The following CCSER1 variants were observed in gnomAD, a reference collection of about 807,000 sequenced individuals.
CCSER1 encodes the protein coiled-coil serine rich protein 1, also known as serine-rich coiled-coil domain-containing protein 1.
Under a neutral mutation model 82.0 loss-of-function variants are expected in CCSER1, and 41 were observed. The ratio of observed to expected loss-of-function variants is 0.50; its 90% CI spans 0.39 to 0.65. The LOEUF is 0.65. Among genes scored for constraint, CCSER1 ranks in the 30% least tolerant of loss-of-function variants. The pLI is 0.00. For synonymous variants in CCSER1, 414 were observed against 383.9 expected (o/e 1.08, Z -0.92); for missense variants, 1,119 against 1,064.2 (o/e 1.05, Z -0.72).
intron 4 of CCSER1, among the ~76,000 whole-genome samples, chr4:90,416,511 T>C (rs1244634780): frequency 1.3e-5 from 2 of 152,186 alleles, no homozygotes; most frequent in Non-Finnish European, 2.9e-5. Context: ...ATTATGTCTG[T>C]CTCAAAATAT....
intron 1 of CCSER1, among the ~76,000 whole-genome samples, chr4:90,293,209 A>C (rs1731249082): frequency 6.6e-6 from 1 of 151,552 alleles, no homozygotes; most frequent in African/African-American, 2.4e-5. Context: ...AACAACAAGA[A>C]ACTATCAGAA....
At chr4:91,032,597 G>A (rs1741082134) in intron 9 of CCSER1, among the ~76,000 whole-genome samples, 1 of 152,186 alleles carries the variant, frequency 6.6e-6, no homozygotes, top group Admixed American at 6.6e-5. Context: ...CACTGACCAA[G>A]AAGTTAAGTA....
At chr4:90,760,084 AAC>A (rs1323610906) in intron 7 of CCSER1, among the ~76,000 whole-genome samples, 1 of 152,018 alleles carries the variant, frequency 6.6e-6, no homozygotes, top group Non-Finnish European at 1.5e-5. Context: ...ACCAAGTTAA[AAC>A]AGTCTTGTAA....
At chr4:90,350,681 T>C (rs1222586725) in intron 3 of CCSER1, among the ~76,000 whole-genome samples, 1 of 152,112 alleles carries the variant, frequency 6.6e-6, no homozygotes, top group African/African-American at 2.4e-5. Flanking sequence ...CTACCATTTA[T>C]AATGGCACCA....
chr4:90,759,392 TAA>T (rs921908449), intron 7 of CCSER1, among the ~76,000 whole-genome samples: 3 of 152,154 alleles, frequency 2.0e-5, no homozygotes, highest in African/African-American at 7.2e-5. Flanking sequence ...GCTACCTCAG[TAA>T]AAGTGACTTA....
chr4:90,630,309 T>C (rs1445056062), intron 6 of CCSER1, among the ~76,000 whole-genome samples: 1 of 152,212 alleles, frequency 6.6e-6, no homozygotes, highest in Non-Finnish European at 1.5e-5. Flanking sequence ...CTCTGTTTGG[T>C]CTGAATTTTA....
At position 90,481,703 on chromosome 4, in the gene CCSER1, C is replaced by T. The variant is rs988484158; in HGVS notation, c.1724+13349C>T. Among the ~76,000 whole-genome samples, 6 of 152,316 alleles carry T rather than the reference C, an allele frequency of 3.9e-5. No individual in the cohort carries two copies. In the South Asian group the frequency reaches 1.2e-3, roughly 32 times the overall value. ...ATTTTCGTATGTTGAAGCAGCCTTGCATCCCAGGGATGAAGCCCACTTGAT... is the reference window on the plus strand; with the variant it reads ...ATTTTCGTATGTTGAAGCAGCCTTGTATCCCAGGGATGAAGCCCACTTGAT... On this transcript the variant is annotated intron_variant, in intron 5 of 10. Transcript: ENST00000509176.
intron 7 of CCSER1, among the ~76,000 whole-genome samples, chr4:90,790,521 C>T (rs1297405327): frequency 6.8e-6 from 1 of 146,334 alleles, no homozygotes; most frequent in Non-Finnish European, 1.5e-5. Flanking sequence ...TTTACTAATT[C>T]CTTCTGACCA....
At chr4:91,539,461 A>G (rs1723837617) in intron 10 of CCSER1, among the ~76,000 whole-genome samples, 1 of 152,076 alleles carries the variant, frequency 6.6e-6, no homozygotes, top group African/African-American at 2.4e-5. Context: ...TTTTCTGTAG[A>G]AGAGTTTTTA....
chr4:91,497,155 G>C (rs931320403), intron 10 of CCSER1, among the ~76,000 whole-genome samples: 9 of 151,294 alleles, frequency 5.9e-5, no homozygotes, highest in Non-Finnish European at 1.3e-4. Context: ...ATTTGTGCTT[G>C]ATCAAGTTTC....
chr4:90,957,630 C>CTATATAA (rs1053286877), intron 9 of CCSER1, among the ~76,000 whole-genome samples: 5 of 106,158 alleles, frequency 4.7e-5, no homozygotes, highest in Non-Finnish European at 9.4e-5. Flanking sequence ...TGTATATATT[C>CTATATAA]TATATAATAT....
At chr4:90,537,024 T>A (rs1457947642) in intron 5 of CCSER1, among the ~76,000 whole-genome samples, 1 of 152,228 alleles carries the variant, frequency 6.6e-6, no homozygotes. Context: ...TATTTGCCAC[T>A]TTTGCCGGGA....
intron 1 of CCSER1, among the ~76,000 whole-genome samples, chr4:90,280,652 G>GT (rs1728692152): frequency 6.6e-6 from 1 of 151,934 alleles, no homozygotes; most frequent in East Asian, 1.9e-4. Context: ...CAGATCTAAC[G>GT]TAGGTCTTTG....
chr4:91,380,343 G>A (rs1750785324), intron 10 of CCSER1, among the ~76,000 whole-genome samples: 1 of 152,122 alleles, frequency 6.6e-6, no homozygotes, highest in Non-Finnish European at 1.5e-5. Flanking sequence ...TGTTGACAGT[G>A]AGGTGTTAAA....
At chr4:91,587,770 A>G (rs1371785116) in intron 10 of CCSER1, among the ~76,000 whole-genome samples, 1 of 151,650 alleles carries the variant, frequency 6.6e-6, no homozygotes, top group South Asian at 2.1e-4. Context: ...CTGTATGGAA[A>G]TATTAAACAC....
intron 10 of CCSER1, among the ~76,000 whole-genome samples, chr4:91,593,752 A>G (rs900759315): frequency 2.0e-5 from 3 of 152,168 alleles, no homozygotes; most frequent in African/African-American, 7.2e-5. Context: ...ACTGAACACA[A>G]AATAAATTGC....
At chr4:90,236,045 C>T (rs919384182) in intron 1 of CCSER1, among the ~76,000 whole-genome samples, 1 of 152,060 alleles carries the variant, frequency 6.6e-6, no homozygotes, top group African/African-American at 2.4e-5. Context: ...AGGCTCAAGA[C>T]ATCCTCCCAC....
intron 10 of CCSER1, among the ~76,000 whole-genome samples, chr4:91,196,113 G>C (rs77092037): frequency 6.6e-6 from 1 of 151,714 alleles, no homozygotes; most frequent in Non-Finnish European, 1.5e-5. Context: ...CATGAACCCG[G>C]GAGGCGGAGC....
chr4:90,559,443 G>A (rs1174463083), intron 5 of CCSER1, among the ~76,000 whole-genome samples: 3 of 152,038 alleles, frequency 2.0e-5, no homozygotes, highest in Admixed American at 2.0e-4. Flanking sequence ...GGTAAGGTGG[G>A]GGACTTGGCC....
Sources: gnomAD v4.1 joint callset for allele counts (sites outside exome capture counted in the v4.1 genomes callset) on GRCh38, gnomAD v4.1.1 for gene constraint, MANE v1.5 for transcripts, NCBI Gene and HGNC (gene_info 2026-07-23, HGNC 2026-07-21) for gene names.